The following PLEKHG1 variants were observed in gnomAD, a reference collection of about 807,000 sequenced individuals.
PLEKHG1 encodes pleckstrin homology domain-containing family G member 1.
PLEKHG1 carries 44 observed loss-of-function variants against 100.8 expected under a neutral mutation model. The ratio of observed to expected loss-of-function variants is 0.44; its 90% CI spans 0.34 to 0.56. The LOEUF (loss-of-function observed/expected upper bound fraction) is 0.56. PLEKHG1 is among the 20% of genes least tolerant of loss of function. PLEKHG1 has a pLI of 0.01. For synonymous variants in PLEKHG1, 640 were observed against 662.5 expected, an observed-to-expected ratio of 0.97 and a Z score of 0.52; for missense variants, 1,545 against 1,720.9, an observed-to-expected ratio of 0.90 and a Z score of 1.81.
intron 2 of PLEKHG1, among the ~76,000 whole-genome samples, chr6:150,641,273 AAGAT>A (rs2128568137): frequency 6.6e-6 from 1 of 152,332 alleles, no homozygotes; most frequent in South Asian, 2.1e-4. Context: ...CTAAACTGGC[AAGAT>A]AGATTGACGA....
At chr6:150,708,859 A>C (rs1582981170) in intron 3 of PLEKHG1, among the ~76,000 whole-genome samples, 1 of 152,136 alleles carries the variant, frequency 6.6e-6, no homozygotes, top group African/African-American at 2.4e-5. Context: ...TTCATAATCT[A>C]CTTTATAACC....
intron 1 of PLEKHG1, among the ~76,000 whole-genome samples, chr6:150,626,699 G>C (rs1777527465): frequency 1.3e-5 from 2 of 152,084 alleles, no homozygotes; most frequent in Non-Finnish European, 1.5e-5. Context: ...TTTCAGAAGG[G>C]CTCAAAGGCA....
At chr6:150,603,967 C>T (rs58578147) in intron 1 of PLEKHG1, among the ~76,000 whole-genome samples, 1 of 152,122 alleles carries the variant, frequency 6.6e-6, no homozygotes, top group African/African-American at 2.4e-5. Context: ...GGCTTTCACT[C>T]GGTCTTTAAT....
At chr6:150,664,669 C>T (rs2128582121) in intron 3 of PLEKHG1, among the ~76,000 whole-genome samples, 1 of 152,216 alleles carries the variant, frequency 6.6e-6, no homozygotes, top group East Asian at 1.9e-4. Context: ...GTGGTGTCTT[C>T]TTCTCTGGTC....
intron 14 of PLEKHG1, among the ~76,000 whole-genome samples, chr6:150,829,956 A>T (rs967153906): frequency 7.2e-5 from 11 of 152,236 alleles, no homozygotes; most frequent in Non-Finnish European, 1.3e-4. Flanking sequence ...AGTCTCAAAT[A>T]GAACAGATAG....
In PLEKHG1 at chr6:150,800,731, GC is replaced by G; in HGVS notation, c.643del (p.Leu215Ter). 1 of 1,613,970 alleles carries G rather than the reference GC, an allele frequency of 6.2e-7. No individual in the cohort carries two copies. The highest frequency in any genetic ancestry group is 8.5e-7 in the Non-Finnish European group (1 of 1,179,850). ...ACTCTTCCTGCAGGTCCGTGGCTGT[GC>G]TAACAGAGTGTATGAGGAACAAGAT... On this transcript the variant is annotated frameshift_variant, in exon 6 of 16. Coordinates refer to ENST00000358517, the Ensembl canonical transcript of PLEKHG1. LOFTEE classifies it high-confidence loss of function.
At chr6:150,740,839 T>G (rs1782817789) in intron 2 of PLEKHG1, among the ~76,000 whole-genome samples, 2 of 152,228 alleles carry the variant, frequency 1.3e-5, no homozygotes, top group Non-Finnish European at 2.9e-5. Flanking sequence ...ACAAACGTGT[T>G]AGTTTTCTGC....
At chr6:150,725,916 G>A (rs960620586) in intron 1 of PLEKHG1, among the ~76,000 whole-genome samples, 1 of 151,946 alleles carries the variant, frequency 6.6e-6, no homozygotes, top group East Asian at 1.9e-4. Context: ...ACACATAATG[G>A]GAAAATTATG....
chr6:150,771,402 G>A (rs2128641440), intron 3 of PLEKHG1, among the ~76,000 whole-genome samples: 1 of 152,060 alleles, frequency 6.6e-6, no homozygotes, highest in South Asian at 2.1e-4. Context: ...GGGCAACAGA[G>A]TGAGACTCCA....
At chr6:150,786,957 G>A (rs1359401055) in intron 4 of PLEKHG1, among the ~76,000 whole-genome samples, 1 of 151,294 alleles carries the variant, frequency 6.6e-6, no homozygotes, top group African/African-American at 2.4e-5. Flanking sequence ...GAGCCCAGGA[G>A]GCGGAGGTTG....
At position 150,779,140 on chromosome 6, in the gene PLEKHG1, C is replaced by T. The variant is rs1158777970; in HGVS notation, c.513-7250C>T. On this transcript the variant is annotated intron_variant, in intron 3 of 15. Coordinates refer to ENST00000358517, the Ensembl canonical transcript of PLEKHG1. ...GTTTCCTCACCTTAAAATTAGGGAT[C>T]GGAACTGAAGGTATCTGAGTGCCCT... 1.3e-5 allele frequency among the ~76,000 whole-genome samples: 2 copies of T among 152,080 alleles called. 1 individual carries two copies. Among genetic ancestry groups the T allele is most frequent in the South Asian group, 4.2e-4 (2 of 4,810 alleles).
Position 150,819,914 on chromosome 6 carries a change from T to G in PLEKHG1, c.1408+140T>G. ...GAATACATTTGCGGCTGCCTTAAGA[T>G]GGGACTCATGAGCTTTTGATCTAAA... On this transcript the variant is annotated intron_variant, in intron 12 of 15. Transcript: ENST00000358517. The G allele has an allele frequency of 1.7e-5, 11 of 632,640 alleles. 1 individual carries two copies. Among genetic ancestry groups the G allele is most frequent in the South Asian group, 1.6e-4 (9 of 55,770 alleles). The allele number at this position is 632,640 out of a possible 1,614,324, so 39.2% of individuals were successfully genotyped here.
At chr6:150,755,315 T>A (rs149562574) in intron 2 of PLEKHG1, among the ~76,000 whole-genome samples, 48 of 152,308 alleles carry the variant, frequency 3.2e-4, no homozygotes, top group South Asian at 2.7e-3. Flanking sequence ...CCCCTGACAA[T>A]AATCTTCAGA....
chr6:150,771,767 G>T (rs183593942), intron 3 of PLEKHG1, among the ~76,000 whole-genome samples: 182 of 152,056 alleles, frequency 1.2e-3, no homozygotes, highest in African/African-American at 4.2e-3. Flanking sequence ...ATAATGTATT[G>T]TGGCCAACTA....
intron 1 of PLEKHG1, among the ~76,000 whole-genome samples, chr6:150,728,460 GGT>G (rs1203582210): frequency 1.3e-5 from 2 of 152,044 alleles, no homozygotes; most frequent in Admixed American, 6.6e-5. Context: ...AGCTTGGTAT[GGT>G]GGCGTGGTCC....
chr6:150,709,648 G>A (rs1212880340), intron 3 of PLEKHG1, among the ~76,000 whole-genome samples: 8 of 152,194 alleles, frequency 5.3e-5, no homozygotes, highest in Non-Finnish European at 1.2e-4. Flanking sequence ...TGTCCAAGAA[G>A]ATAAAATTGT....
At chr6:150,625,903 A>C (rs1285131776) in intron 1 of PLEKHG1, 1 of 152,196 alleles carries the variant, frequency 6.6e-6, no homozygotes, top group Non-Finnish European at 1.5e-5. Context: ...AGCCCATGAC[A>C]GACACAACTG....
chr6:150,683,160 A>T lies in PLEKHG1; in HGVS notation c.-99+32374A>T, dbSNP rs962568483. 2.0e-5 allele frequency among the ~76,000 whole-genome samples: 3 copies of T among 152,210 alleles called. No homozygotes were observed. The highest frequency in any genetic ancestry group is 6.5e-5 in the Admixed American group (1 of 15,288). The stretch of plus-strand genomic sequence containing the variant: ...CCAGAGAGACACATGGCCCGAGTCA[A>T]CCTTATCCTCTGTAGAGGGCAGATG... On this transcript the variant is annotated intron_variant, in intron 3 of 3. Transcript: ENST00000367326. The surrounding 1 kb of genome is among the most constrained non-coding windows in gnomAD (Gnocchi z 4.0).
At chr6:150,829,012 A>G (rs1422348808) in intron 14 of PLEKHG1, among the ~76,000 whole-genome samples, 1 of 152,200 alleles carries the variant, frequency 6.6e-6, no homozygotes, top group Non-Finnish European at 1.5e-5. Flanking sequence ...AACATTTAGG[A>G]TGAAATTCCA....
Sources: allele counts gnomAD v4.1 joint callset (sites outside exome capture counted in the v4.1 genomes callset), GRCh38; gene constraint gnomAD v4.1.1; non-coding constraint Gnocchi (gnomAD v3.1); transcripts MANE v1.5; gene names NCBI Gene and HGNC (gene_info 2026-07-23, HGNC 2026-07-21).